Variants in NDST4 observed in about 807,000 individuals in gnomAD.
The protein encoded by NDST4 is N-deacetylase and N-sulfotransferase 4, also known as N-heparan sulfate sulfotransferase 4.
NDST4 carries 63 observed loss-of-function variants against 100.8 expected under a neutral mutation model. The ratio of observed to expected loss-of-function variants is 0.62; its 90% CI spans 0.51 to 0.77. The LOEUF (loss-of-function observed/expected upper bound fraction) is 0.77, where lower values mean the gene tolerates loss of function less well. NDST4 is among the 30% of genes least tolerant of loss of function. The probability of loss-of-function intolerance (pLI) is 0.00; values close to 1 mark genes in which losing one functional copy is unlikely to be tolerated. For synonymous variants in NDST4, 377 were observed against 361.8 expected (o/e 1.04, Z -0.48); for missense variants, 943 against 1,018.4 (o/e 0.93, Z 1.01).
intron 1 of NDST4, among the ~76,000 whole-genome samples, chr4:115,110,312 A>C (rs1468346408): frequency 6.8e-6 from 1 of 147,474 alleles, no homozygotes; most frequent in Non-Finnish European, 1.5e-5. Context: ...GAAGTGTTAA[A>C]GAAAAGGCTG....
chr4:114,885,301 G>A (rs759248338), intron 6 of NDST4, among the ~76,000 whole-genome samples: 8 of 152,084 alleles, frequency 5.3e-5, no homozygotes, highest in Non-Finnish European at 8.8e-5. Context: ...GTCACATGCT[G>A]ACAGTCTACC....
At chr4:114,904,632 AT>A (rs1043673468) in intron 6 of NDST4, among the ~76,000 whole-genome samples, 1 of 151,820 alleles carries the variant, frequency 6.6e-6, no homozygotes, top group Non-Finnish European at 1.5e-5. Context: ...TGTTATATGG[AT>A]TTTTTTAGAA....
At chr4:114,831,413 A>G (rs1723199263) in intron 12 of NDST4, among the ~76,000 whole-genome samples, 1 of 152,156 alleles carries the variant, frequency 6.6e-6, no homozygotes, top group Non-Finnish European at 1.5e-5. Context: ...GTTTTCATTA[A>G]TTTCCCAAGA....
intron 6 of NDST4, among the ~76,000 whole-genome samples, chr4:114,873,568 CT>C (rs1724195664): frequency 6.6e-6 from 1 of 151,900 alleles, no homozygotes; most frequent in African/African-American, 2.4e-5. Context: ...CTCTTGAATT[CT>C]TTTATCTCAA....
intron 2 of NDST4, among the ~76,000 whole-genome samples, chr4:115,074,802 C>A (rs1281468245): frequency 1.3e-5 from 2 of 152,106 alleles, no homozygotes; most frequent in African/African-American, 4.8e-5. Context: ...AAGATAAACA[C>A]TTTAACAGAA....
chr4:114,843,977 TC>T, intron 10 of NDST4, among the ~76,000 whole-genome samples: 1 of 66,420 alleles, frequency 1.5e-5, no homozygotes, highest in East Asian at 4.6e-4. Flanking sequence ...AGTCCCCACC[TC>T]CCACCCCACC....
Position 114,947,571 on chromosome 4 carries a change from A to C in NDST4, c.1222-10068T>G, listed in dbSNP as rs1018181464. Among the ~76,000 whole-genome samples, 3 of 152,144 alleles carry C rather than the reference A, an allele frequency of 2.0e-5. No homozygotes were observed. The East Asian group carries it at 5.8e-4, about 29-fold the overall frequency. On this transcript the variant is annotated intron_variant, in intron 4 of 13. Coordinates refer to ENST00000264363, the MANE Select transcript of NDST4 (RefSeq NM_022569.3). ...CCTTTAACCTGGACTAAATGATAACATTCAAAATTCTTCAACGTGTTAAGT... is the reference window on the plus strand; with the variant it reads ...CCTTTAACCTGGACTAAATGATAACCTTCAAAATTCTTCAACGTGTTAAGT...
chr4:114,928,160 G>T (rs1448562740), intron 6 of NDST4, among the ~76,000 whole-genome samples: 1 of 152,124 alleles, frequency 6.6e-6, no homozygotes. Flanking sequence ...TTGGGTGAAA[G>T]ATATGAAAAT....
At chr4:114,987,209 T>G (rs1726934118) in intron 2 of NDST4, among the ~76,000 whole-genome samples, 1 of 152,048 alleles carries the variant, frequency 6.6e-6, no homozygotes, top group African/African-American at 2.4e-5. Flanking sequence ...AATAATCAAG[T>G]CAAAATCTTT....
intron 8 of NDST4, among the ~76,000 whole-genome samples, chr4:114,849,706 C>T (rs1386352426): frequency 6.6e-6 from 1 of 152,022 alleles, no homozygotes; most frequent in Non-Finnish European, 1.5e-5. Context: ...AATAAATGCC[C>T]TAGGGATATG....
chr4:114,905,725 T>C (rs1724935720), intron 6 of NDST4, among the ~76,000 whole-genome samples: 1 of 152,016 alleles, frequency 6.6e-6, no homozygotes, highest in Non-Finnish European at 1.5e-5. Context: ...CAATTAATTT[T>C]GAATGATAAA....
chr4:114,876,795 ATGAT>A (rs1360588449), intron 6 of NDST4, among the ~76,000 whole-genome samples: 3 of 152,178 alleles, frequency 2.0e-5, no homozygotes, highest in African/African-American at 7.2e-5. Flanking sequence ...TCATTAATTA[ATGAT>A]TGATTGTAAC....
At chr4:115,035,101 G>T (rs1728204430) in intron 2 of NDST4, among the ~76,000 whole-genome samples, 1 of 151,902 alleles carries the variant, frequency 6.6e-6, no homozygotes, top group Admixed American at 6.6e-5. Context: ...ATATTCAATT[G>T]CAGAACATAG....
chr4:115,073,437 G>A (rs1019585879), intron 2 of NDST4, among the ~76,000 whole-genome samples: 4 of 151,814 alleles, frequency 2.6e-5, no homozygotes, highest in East Asian at 1.9e-4. Context: ...GTGGATAAAC[G>A]GATAAAGAAA....
chr4:114,852,163 A>G (rs1453645263), intron 8 of NDST4, among the ~76,000 whole-genome samples: 1 of 152,198 alleles, frequency 6.6e-6, no homozygotes, highest in Non-Finnish European at 1.5e-5. Context: ...CCTTCAGTGC[A>G]TGAGAGAATA....
At chr4:114,977,671 C>T (rs1317589459) in intron 2 of NDST4, among the ~76,000 whole-genome samples, 2 of 151,860 alleles carry the variant, frequency 1.3e-5, no homozygotes, top group African/African-American at 2.4e-5. Flanking sequence ...AGGAGGAGAA[C>T]TTTTGTTTGA....
At chr4:114,901,772 T>C (rs1441107083) in intron 6 of NDST4, among the ~76,000 whole-genome samples, 1 of 151,866 alleles carries the variant, frequency 6.6e-6, no homozygotes, top group Non-Finnish European at 1.5e-5. Context: ...CATTGTATTT[T>C]CTCTCTTATA....
intron 1 of NDST4, among the ~76,000 whole-genome samples, chr4:115,078,775 A>G (rs1314150089): frequency 6.6e-6 from 1 of 151,946 alleles, no homozygotes; most frequent in Admixed American, 6.6e-5. Context: ...GGGAGGCGGA[A>G]GATGCAGTGA....
rs1232529799 is a variant in NDST4 at position 114,848,304 on chromosome 4, A to G, written c.1851T>C (p.His617=). The change falls in exon 9 of 14, where the codon CAT becomes CAC. Residue 617 remains histidine (H), a synonymous_variant. Transcript: ENST00000264363. The part of the protein sequence containing the change: ...TTALYLFLLM[H]PSIISNLPSP... ...TAGGGAGATTGCTGATGATTGAAGGATGCATAAGAAGAAATAAATAAAGTG... is the reference window on the plus strand; with the variant it reads ...TAGGGAGATTGCTGATGATTGAAGGGTGCATAAGAAGAAATAAATAAAGTG... The G allele has an allele frequency of 6.2e-7, 1 of 1,605,586 alleles. No homozygotes were observed. Among genetic ancestry groups the G allele is most frequent in the African/African-American group, 1.3e-5 (1 of 74,632 alleles).
Sources: gnomAD v4.1 joint callset for allele counts (sites outside exome capture counted in the v4.1 genomes callset) on GRCh38, gnomAD v4.1.1 for gene constraint, MANE v1.5 for transcripts, NCBI Gene and HGNC (gene_info 2026-07-23, HGNC 2026-07-21) for gene names.